ZC3H7B: variants seen among roughly 807,000 people sequenced by gnomAD.
ZC3H7B encodes zinc finger CCCH-type containing 7B.
A neutral mutation model predicts 116.0 loss-of-function variants in ZC3H7B; 35 were observed. The observed-to-expected ratio is 0.30, with a 90% CI of 0.23 to 0.40. The LOEUF (loss-of-function observed/expected upper bound fraction) is 0.40, where lower values mean the gene tolerates loss of function less well. Among genes scored for constraint, ZC3H7B ranks in the 10% least tolerant of loss-of-function variants. ZC3H7B has a pLI of 1.00. For synonymous variants in ZC3H7B, 502 were observed against 545.6 expected (o/e 0.92, Z 1.11); for missense variants, 1,011 against 1,321.5 (o/e 0.77, Z 3.64).
At chr22:41,344,401 C>T (rs909999126) in intron 13 of ZC3H7B, among the ~76,000 whole-genome samples, 10 of 152,084 alleles carry the variant, frequency 6.6e-5, no homozygotes, top group Admixed American at 6.6e-4. Context: ...AGTCCACATT[C>T]TGCAACAAGA....
intron 1 of ZC3H7B, among the ~76,000 whole-genome samples, chr22:41,305,289 G>A (rs895574311): frequency 6.6e-6 from 1 of 151,234 alleles, no homozygotes; most frequent in African/African-American, 2.4e-5. Context: ...AGCTTGCAGT[G>A]AGCCGAGCGC....
intron 12 of ZC3H7B, 106 bp from the exon 13 acceptor site, chr22:41,343,309 T>G (rs1601788744): frequency 7.2e-7 from 1 of 1,394,264 alleles, no homozygotes; most frequent in Non-Finnish European, 9.7e-7. Flanking sequence ...AGAGGGGAGG[T>G]AGGTATATAA....
At chr22:41,326,672 C>T (rs900698062) in intron 4 of ZC3H7B, among the ~76,000 whole-genome samples, 3 of 152,234 alleles carry the variant, frequency 2.0e-5, no homozygotes, top group African/African-American at 7.2e-5. Flanking sequence ...CTGTCCTGTG[C>T]ACCCACTGAC....
chr22:41,312,223 T>C (rs941646057), intron 1 of ZC3H7B, among the ~76,000 whole-genome samples: 49 of 151,590 alleles, frequency 3.2e-4, no homozygotes, highest in African/African-American at 1.2e-3. Context: ...TCCCAGTACT[T>C]TGGGAGGCTG....
At chr22:41,307,000 G>C (rs1310645113) in intron 1 of ZC3H7B, among the ~76,000 whole-genome samples, 1 of 143,342 alleles carries the variant, frequency 7.0e-6, no homozygotes, top group East Asian at 2.0e-4. Flanking sequence ...TTGAGACAGA[G>C]TCTCATTCTG....
chr22:41,331,990 C>G (rs2036389492), intron 6 of ZC3H7B, among the ~76,000 whole-genome samples, 181 bp from the exon 7 acceptor site: 1 of 151,976 alleles, frequency 6.6e-6, no homozygotes, highest in African/African-American at 2.4e-5. Context: ...GAAGAAAACC[C>G]CAGAATCTGA....
rs1385762210 is a variant in ZC3H7B, at chr22:41,339,826, A to G, written c.827A>G (p.Gln276Arg). Residue 276 changes from glutamine to arginine, a missense_variant, in exon 10 of 23, where the codon CAG (glutamine) becomes CGG (arginine). Transcript: ENST00000352645. ...DTLLDSLSLVQGGLSGSGVPS... is the reference protein window; with the variant it reads ...DTLLDSLSLVRGGLSGSGVPS... Reference sequence around the variant, plus strand: ...GTCCCTGCCTCATAGTCTCTGGTCCAGGGTGGCCTGTCTGGCAGCGGCGTG... The same window carrying G: ...GTCCCTGCCTCATAGTCTCTGGTCCGGGGTGGCCTGTCTGGCAGCGGCGTG... 5 of 1,600,638 alleles carry G rather than the reference A, an allele frequency of 3.1e-6. No individual in the cohort carries two copies. The South Asian group carries it at 5.6e-5, about 18-fold the overall frequency.
At position 41,325,556 on chromosome 22, in the gene ZC3H7B, C is replaced by T; in HGVS notation, c.54-8C>T. ...TCACCCAGGCCTCGTGTTTTCTTTT[C>T]CTGATAGGTCGACACTACCCCTAAA... On this transcript the variant is annotated splice_polypyrimidine_tract_variant and splice_region_variant and intron_variant, in intron 2 of 22. Coordinates refer to ENST00000352645, the MANE Select transcript of ZC3H7B (RefSeq NM_017590.6). 2.5e-6 allele frequency: 4 copies of T among 1,609,072 alleles called. No individual in the cohort carries two copies. Among genetic ancestry groups the T allele is most frequent in the Non-Finnish European group, 2.5e-6 (3 of 1,177,912 alleles).
intron 17 of ZC3H7B, among the ~76,000 whole-genome samples, chr22:41,353,682 G>T (rs1305199359): frequency 1.3e-5 from 2 of 152,366 alleles, no homozygotes; most frequent in Non-Finnish European, 1.5e-5. Flanking sequence ...GCTGACCAGG[G>T]TGTGGCAGGG....
chr22:41,318,725 G>A (rs1471471284), intron 1 of ZC3H7B, among the ~76,000 whole-genome samples: 2 of 152,112 alleles, frequency 1.3e-5, no homozygotes, highest in Non-Finnish European at 1.5e-5. Context: ...GAGTGAAACC[G>A]TCTCAGAAAA....
chr22:41,349,062 G>A lies in ZC3H7B; in HGVS notation c.1767-58G>A. 3 of 1,574,006 alleles carry A rather than the reference G, an allele frequency of 1.9e-6. No homozygotes were observed. Among genetic ancestry groups the A allele is most frequent in the Non-Finnish European group, 1.7e-6 (2 of 1,156,308 alleles). Reference sequence around the variant, plus strand: ...CACTGGGAAGGTGGCCCTACCAGGAGAGAAGGTCAGAGGGGCTGCGGACTG... The same window carrying A: ...CACTGGGAAGGTGGCCCTACCAGGAAAGAAGGTCAGAGGGGCTGCGGACTG... On this transcript the variant is annotated intron_variant, in intron 15 of 22. Transcript: ENST00000352645. This position sits in a 1 kb window ranked among gnomAD's most constrained non-coding sequence, Gnocchi z 4.9.
intron 22 of ZC3H7B, 117 bp downstream of exon 22, chr22:41,356,925 G>A (rs2036728603): frequency 9.4e-6 from 14 of 1,491,188 alleles, no homozygotes; most frequent in Non-Finnish European, 1.3e-5. Context: ...GTGAGGCTTG[G>A]CTGTGACTGC....
At chr22:41,321,600 C>T (rs2036257308) in intron 2 of ZC3H7B, among the ~76,000 whole-genome samples, 1 of 152,120 alleles carries the variant, frequency 6.6e-6, no homozygotes, top group South Asian at 2.1e-4. Context: ...ATCCTCCTGC[C>T]TCAGCCTCCC....
intron 2 of ZC3H7B, among the ~76,000 whole-genome samples, chr22:41,321,213 ATTT>A (rs71847593): frequency 1.5e-5 from 2 of 129,830 alleles, no homozygotes; most frequent in Admixed American, 7.8e-5. Flanking sequence ...TACCCAGCTA[ATTT>A]TTTTTTTTTT....
rs752509576 is a variant in ZC3H7B at position 41,357,466 on chromosome 22, G to A, written c.*37G>A. The stretch of plus-strand genomic sequence containing the variant: ...GGCCGTGGGTGAAGTCCTGGGGTCA[G>A]GGGGTGGGGTGGGGCCAGAAGGCCT... On this transcript the variant is annotated 3_prime_UTR_variant, in exon 23 of 23. Transcript: ENST00000352645. The surrounding 1 kb of genome is among the most constrained non-coding windows in gnomAD (Gnocchi z 5.4). 1.2e-6 allele frequency: 2 copies of A among 1,602,404 alleles called. No homozygotes were observed. Among genetic ancestry groups the A allele is most frequent in the South Asian group, 2.2e-5 (2 of 90,694 alleles).
chr22:41,313,469 T>C (rs1008310459), intron 1 of ZC3H7B, among the ~76,000 whole-genome samples: 2 of 152,174 alleles, frequency 1.3e-5, no homozygotes, highest in African/African-American at 4.8e-5. Flanking sequence ...GCCATTCTGA[T>C]TGGCTTAGCC....
At position 41,357,808 on chromosome 22, in the gene ZC3H7B, A is replaced by T; in HGVS notation, c.*379A>T. The T allele has an allele frequency of 3.5e-6, 1 of 282,800 alleles. No individual in the cohort carries two copies. Among genetic ancestry groups the T allele is most frequent in the Non-Finnish European group, 6.8e-6 (1 of 146,758 alleles). 17.5% of individuals were successfully genotyped at this position (282,800 alleles called of 1,614,324 possible). On this transcript the variant is annotated 3_prime_UTR_variant, in exon 23 of 23. Transcript: ENST00000352645. The surrounding 1 kb of genome is among the most constrained non-coding windows in gnomAD (Gnocchi z 5.4). ...GGTCCCCACTTGAATCTCCAGCAGG[A>T]GGGTCCTTCTCTCCCTGGCCCGTCC...
chr22:41,312,876 A>T lies in ZC3H7B; in HGVS notation c.-6-7779A>T, dbSNP rs551519060. 8.5e-5 allele frequency among the ~76,000 whole-genome samples: 13 copies of T among 152,302 alleles called. No homozygotes were observed. In the South Asian group the frequency reaches 2.3e-3, roughly 27 times the overall value. On this transcript the variant is annotated intron_variant, in intron 1 of 22. Coordinates refer to ENST00000352645, the MANE Select transcript of ZC3H7B (RefSeq NM_017590.6). ...AAGTGACCTCCAGCTTAGGCGGCAG[A>T]GATCCTGTCTCAAAAACAAAACAAT...
intron 1 of ZC3H7B, among the ~76,000 whole-genome samples, chr22:41,319,915 C>T (rs2036232988): frequency 6.6e-6 from 1 of 151,634 alleles, no homozygotes; most frequent in Non-Finnish European, 1.5e-5. Flanking sequence ...CCTGGATTCC[C>T]AGCTACTCCA....
Sources: allele counts gnomAD v4.1 joint callset (sites outside exome capture counted in the v4.1 genomes callset), GRCh38; gene constraint gnomAD v4.1.1; non-coding constraint Gnocchi (gnomAD v3.1); transcripts MANE v1.5; gene names NCBI Gene and HGNC (gene_info 2026-07-23, HGNC 2026-07-21).